ANKS1A: variants seen among roughly 807,000 people sequenced by gnomAD.
ANKS1A encodes the protein ankyrin repeat and SAM domain-containing protein 1A.
A neutral mutation model predicts 120.3 loss-of-function variants in ANKS1A; 55 were observed. The observed-to-expected ratio is 0.46, with a 90% CI of 0.37 to 0.57. The LOEUF is 0.57. ANKS1A is among the 20% of genes least tolerant of loss of function. ANKS1A has a pLI of 0.00. For synonymous variants in ANKS1A, 590 were observed against 604.7 expected, an observed-to-expected ratio of 0.98 and a Z score of 0.36; for missense variants, 1,123 against 1,480.3, an observed-to-expected ratio of 0.76 and a Z score of 3.96.
intron 3 of ANKS1A, among the ~76,000 whole-genome samples, chr6:34,975,710 G>C (rs573551348): frequency 3.3e-5 from 5 of 152,018 alleles, no homozygotes; most frequent in Admixed American, 2.6e-4. Flanking sequence ...GCTGCAGTGA[G>C]CAGTGATCAC....
chr6:35,009,999 G>A (rs1773669890), intron 10 of ANKS1A: 2 of 230,142 alleles, frequency 8.7e-6, no homozygotes, highest in Non-Finnish European at 1.7e-5. Context: ...GGGCAACATA[G>A]TGAGATCTTG....
chr6:35,088,975 G>C lies in ANKS1A; in HGVS notation c.*366G>C. 1 of 1,215,514 alleles carries C rather than the reference G, an allele frequency of 8.2e-7. No homozygotes were observed. The highest frequency in any genetic ancestry group is 1.0e-6 in the Non-Finnish European group (1 of 963,558). The allele number at this position is 1,215,514 out of a possible 1,614,324, so 75.3% of individuals were successfully genotyped here. On this transcript the variant is annotated 3_prime_UTR_variant, in exon 24 of 24. Coordinates refer to ENST00000360359, the MANE Select transcript of ANKS1A (RefSeq NM_015245.3). The stretch of plus-strand genomic sequence containing the variant: ...CAATCTTTAGACAAATGGCCATGGG[G>C]CAGAGGACAGGGGAGCTGAGGTTGG...
intron 11 of ANKS1A, among the ~76,000 whole-genome samples, chr6:35,040,746 G>T (rs186884308): frequency 6.6e-6 from 1 of 152,216 alleles, no homozygotes; most frequent in Admixed American, 6.5e-5. Flanking sequence ...AGATTCCTAT[G>T]CCCTGGCTGA....
chr6:34,931,464 A>G (rs1768977705), intron 1 of ANKS1A, among the ~76,000 whole-genome samples: 1 of 152,062 alleles, frequency 6.6e-6, no homozygotes, highest in African/African-American at 2.4e-5. Flanking sequence ...TGTTTTCAAT[A>G]TTGGACCTTT....
rs186197200 is a variant in ANKS1A, at chr6:35,072,528, G to A, written c.2185-6030G>A. Among the ~76,000 whole-genome samples the A allele has an allele frequency of 4.6e-5, 7 of 152,356 alleles. No individual in the cohort carries two copies. In the East Asian group the frequency reaches 1.3e-3, roughly 29 times the overall value. On this transcript the variant is annotated intron_variant, in intron 13 of 23. Coordinates refer to ENST00000360359, the MANE Select transcript of ANKS1A (RefSeq NM_015245.3). Reference sequence around the variant, plus strand: ...CCCCTTACTGAACTCCAATAGGCCAGGCTGGCTTCTTCCAGAGTCAGGCTG... The same window carrying A: ...CCCCTTACTGAACTCCAATAGGCCAAGCTGGCTTCTTCCAGAGTCAGGCTG...
At chr6:35,077,019 A>G (rs1356116428) in intron 13 of ANKS1A, among the ~76,000 whole-genome samples, 1 of 152,178 alleles carries the variant, frequency 6.6e-6, no homozygotes, top group Admixed American at 6.5e-5. Flanking sequence ...TAAAACGTGG[A>G]AAGATGCTCA....
In ANKS1A at chr6:35,085,595, A is replaced by G. The variant is rs1205599382; in HGVS notation, c.3133-171A>G. ...CCACATCCTGTGTAGAGCGGGAAGA[A>G]CAACAGAGACCTAGGAAGAGTAAAG... On this transcript the variant is annotated intron_variant, in intron 21 of 23. Coordinates refer to ENST00000360359, the MANE Select transcript of ANKS1A (RefSeq NM_015245.3). The surrounding 1 kb of genome is among the most constrained non-coding windows in gnomAD (Gnocchi z 4.7). Among the ~76,000 whole-genome samples the G allele has an allele frequency of 1.5e-5, 2 of 132,822 alleles. No individual in the cohort carries two copies. The highest frequency in any genetic ancestry group is 3.5e-5 in the Non-Finnish European group (2 of 56,872). 87.1% of individuals were successfully genotyped at this position (132,822 alleles called of 152,430 possible).
At chr6:35,010,442 A>C (rs1315341550) in intron 10 of ANKS1A, among the ~76,000 whole-genome samples, 2 of 152,222 alleles carry the variant, frequency 1.3e-5, no homozygotes, top group Non-Finnish European at 2.9e-5. Context: ...GAAGGAAGAA[A>C]GGGGAGAATG....
chr6:35,046,705 A>G (rs1775737004), intron 11 of ANKS1A, among the ~76,000 whole-genome samples: 1 of 152,154 alleles, frequency 6.6e-6, no homozygotes, highest in Non-Finnish European at 1.5e-5. Context: ...CTCATCCCCA[A>G]ACACTTTAAC....
chr6:35,076,239 C>T lies in ANKS1A; in HGVS notation c.2185-2319C>T, dbSNP rs905277858. On this transcript the variant is annotated intron_variant, in intron 13 of 23. Transcript: ENST00000360359. Reference sequence around the variant, plus strand: ...GAGATCGAGACCATCCTGGCTAACACGATGAAACCCAGTCTTTACTAAAAA... The same window carrying T: ...GAGATCGAGACCATCCTGGCTAACATGATGAAACCCAGTCTTTACTAAAAA... Among the ~76,000 whole-genome samples, 11 of 152,226 alleles carry T rather than the reference C, an allele frequency of 7.2e-5. 1 individual carries two copies. In the South Asian group the frequency reaches 1.7e-3, roughly 23 times the overall value.
chr6:34,925,718 A>C (rs1768684264), intron 1 of ANKS1A, among the ~76,000 whole-genome samples: 1 of 152,048 alleles, frequency 6.6e-6, no homozygotes, highest in African/African-American at 2.4e-5. Flanking sequence ...GACCCAAAGG[A>C]GCTTTCTTTA....
intron 3 of ANKS1A, among the ~76,000 whole-genome samples, chr6:34,979,479 A>G (rs1198473438): frequency 6.6e-6 from 1 of 152,234 alleles, no homozygotes; most frequent in Admixed American, 6.5e-5. Flanking sequence ...CATTTTTAAC[A>G]TGAGGCAGGA....
rs1008818129 is a variant in ANKS1A, at chr6:35,089,778, T to A, written c.*1169T>A. ...TTGGGTTGCATTCTTCCCTCTGGAC[T>A]AGAGTAGAAATGCAGGGGAAACTGC... is the stretch of plus-strand genomic sequence containing the variant. On this transcript the variant is annotated 3_prime_UTR_variant, in exon 24 of 24. Transcript: ENST00000360359. The A allele has an allele frequency of 9.8e-7, 1 of 1,018,742 alleles. No homozygotes were observed. The highest frequency in any genetic ancestry group is 1.7e-5 in the African/African-American group (1 of 58,044). The allele number at this position is 1,018,742 out of a possible 1,614,324, so 63.1% of individuals were successfully genotyped here. A position where few individuals can be genotyped will look rare whatever the true frequency, so the allele number is the denominator to read the frequency against.
chr6:34,988,549 T>C (rs1348067285), intron 8 of ANKS1A, among the ~76,000 whole-genome samples: 3 of 152,226 alleles, frequency 2.0e-5, no homozygotes, highest in Non-Finnish European at 2.9e-5. Flanking sequence ...TGAGCCGAGA[T>C]CGCGCCACTG....
chr6:35,063,870 A>G (rs529378450), intron 13 of ANKS1A, among the ~76,000 whole-genome samples: 27 of 152,376 alleles, frequency 1.8e-4, no homozygotes, highest in Middle Eastern at 3.4e-3. Context: ...CCTGGATGGC[A>G]GAGATGCTGC....
intron 1 of ANKS1A, among the ~76,000 whole-genome samples, chr6:34,919,790 A>G (rs1320909099): frequency 2.6e-5 from 4 of 152,196 alleles, no homozygotes; most frequent in Non-Finnish European, 4.4e-5. Context: ...GTATATTCTT[A>G]GCACATAGTA....
At chr6:34,962,643 G>T (rs1183836735) in intron 1 of ANKS1A, among the ~76,000 whole-genome samples, 2 of 151,684 alleles carry the variant, frequency 1.3e-5, no homozygotes, top group South Asian at 4.2e-4. Flanking sequence ...AAAAAAATTA[G>T]CCAGGCATGG....
intron 11 of ANKS1A, among the ~76,000 whole-genome samples, chr6:35,030,054 A>G (rs368315198): frequency 6.6e-6 from 1 of 152,174 alleles, no homozygotes; most frequent in East Asian, 1.9e-4. Flanking sequence ...GAGAGCTGAA[A>G]TGACTTGCCT....
intron 8 of ANKS1A, among the ~76,000 whole-genome samples, chr6:34,988,730 G>A (rs545659822): frequency 2.3e-4 from 35 of 152,314 alleles, no homozygotes; most frequent in Admixed American, 1.2e-3. Context: ...GTATCAGAGC[G>A]TTAACATTTC....
Sources: allele counts gnomAD v4.1 joint callset (sites outside exome capture counted in the v4.1 genomes callset), GRCh38; gene constraint gnomAD v4.1.1; non-coding constraint Gnocchi (gnomAD v3.1); transcripts MANE v1.5; gene names NCBI Gene and HGNC (gene_info 2026-07-23, HGNC 2026-07-21).